The following ZNF71 variants were observed in gnomAD, a reference collection of about 807,000 sequenced individuals.
ZNF71 encodes the protein endothelial zinc finger protein induced by tumor necrosis factor alpha.
A neutral mutation model predicts 6.7 loss-of-function variants in ZNF71; 3 were observed. The observed-to-expected ratio is 0.45, with a 90% CI of 0.20 to 1.16. The LOEUF is 1.16. ZNF71 is among the 50% of genes most tolerant of loss of function. ZNF71 has a pLI of 0.25. For missense variants in ZNF71, 688 were observed against 728.6 expected (o/e 0.94, Z 0.64); for synonymous variants, 343 against 311.1 (o/e 1.10, Z -1.08).
At chr19:56,616,608 C>A (rs2044793482) in intron 3 of ZNF71, among the ~76,000 whole-genome samples, 1 of 152,128 alleles carries the variant, frequency 6.6e-6, no homozygotes, top group African/African-American at 2.4e-5. Context: ...ATGTTTTTTT[C>A]CTGTGTTGGG....
chr19:56,595,660 C>G (rs2147999643), intron 1 of ZNF71, among the ~76,000 whole-genome samples: 1 of 152,030 alleles, frequency 6.6e-6, no homozygotes, highest in Admixed American at 6.5e-5. Context: ...AACACGAGGG[C>G]CATCCTGGGG....
rs112086153 is a variant in ZNF71, at chr19:56,597,202, T to A, written c.-53+1774T>A. On this transcript the variant is annotated intron_variant, in intron 1 of 3. Transcript: ENST00000599599. ...TAAAGGTTTCATGGGCCCCATGCTC[T>A]GTGCCTACTGGGTAAGTGGGCTCTG... Among the ~76,000 whole-genome samples, 308 of 152,354 alleles carry A rather than the reference T, an allele frequency of 2.0e-3. 3 individuals carry two copies. The highest frequency in any genetic ancestry group is 0.01 in the Middle Eastern group (3 of 294).
intron 3 of ZNF71, 69 bp from the exon 4 acceptor site, chr19:56,621,198 CT>C: frequency 6.8e-7 from 1 of 1,471,312 alleles, no homozygotes; most frequent in Non-Finnish European, 9.1e-7. Context: ...CTCCTTCCTG[CT>C]GTGGAGCTTC....
At position 56,622,354 on chromosome 19, in the gene ZNF71, G is replaced by T. The variant is rs778693564; in HGVS notation, c.1247G>T (p.Cys416Phe). The T allele has an allele frequency of 2.3e-5, 37 of 1,612,840 alleles. No individual in the cohort carries two copies. Among genetic ancestry groups the T allele is most frequent in the Non-Finnish European group, 3.1e-5 (37 of 1,179,418 alleles). ...CACATCGGCGTGAAGCCGTTCGAGT[G>T]CAGCGAGTGCGGCAAGGCCTTCAGC... Reference protein sequence around the residue: ...RFHIGVKPFECSECGKAFSKN... With the variant: ...RFHIGVKPFEFSECGKAFSKN... The change falls in exon 4 of 4, where the codon TGC becomes TTC. Residue 416 changes from cysteine (C) to phenylalanine (F), a missense_variant. Physicochemically the swap from Cys to Phe is radical, Grantham distance 205. Coordinates refer to ENST00000599599, the MANE Select transcript of ZNF71 (RefSeq NM_001370215.1).
At chr19:56,604,496 G>A (rs1357681902) in intron 2 of ZNF71, among the ~76,000 whole-genome samples, 1 of 152,176 alleles carries the variant, frequency 6.6e-6, no homozygotes, top group Non-Finnish European at 1.5e-5. Context: ...TCCATCACAC[G>A]AGGCACTGTG....
rs2044848751 is a variant in ZNF71, at chr19:56,621,557, A to C, written c.450A>C (p.Pro150=). ...AFANQGCVLV[P]PRLDDPTEKG... is the part of the protein sequence containing the mutation. ...CCAACCAAGGCTGTGTCCTGGTCCC[A>C]CCACGGCTGGACGACCCCACAGAAA... The change falls in exon 4 of 4, where the codon CCA becomes CCC. Residue 150 remains proline (P), a synonymous_variant. Coordinates refer to ENST00000599599, the MANE Select transcript of ZNF71 (RefSeq NM_001370215.1). 7 of 1,614,208 alleles carry C rather than the reference A, an allele frequency of 4.3e-6. No homozygotes were observed. The African/African-American group carries it at 5.3e-5, about 12-fold the overall frequency.
chr19:56,595,853 T>TGTG (rs142255107), intron 1 of ZNF71, among the ~76,000 whole-genome samples: 32 of 137,592 alleles, frequency 2.3e-4, no homozygotes, highest in South Asian at 5.0e-4. Flanking sequence ...GTGTGTGTGT[T>TGTG]TGTGTGTGTG....
intron 3 of ZNF71, among the ~76,000 whole-genome samples, chr19:56,617,112 G>GGTTT (rs1555776018): frequency 2.8e-5 from 4 of 140,646 alleles, no homozygotes; most frequent in African/African-American, 1.1e-4. Context: ...ATTTTCTTTT[G>GGTTT]TTTTTTTTTG....
At chr19:56,607,795 T>C (rs1338631337) in intron 2 of ZNF71, among the ~76,000 whole-genome samples, 1 of 152,242 alleles carries the variant, frequency 6.6e-6, no homozygotes, top group Non-Finnish European at 1.5e-5. Flanking sequence ...TTATTTACTA[T>C]TTTACACAGT....
chr19:56,613,906 T>C lies in ZNF71; in HGVS notation c.128T>C (p.Met43Thr). 1.8e-6 allele frequency: 2 copies of C among 1,084,938 alleles called. No individual in the cohort carries two copies. The highest frequency in any genetic ancestry group is 2.3e-6 in the Non-Finnish European group (2 of 876,510). 67.2% of individuals were successfully genotyped at this position (1,084,938 alleles called of 1,614,324 possible). Residue 43 changes from methionine (M) to threonine (T), a missense_variant, in exon 3 of 4, where the codon ATG becomes ACG. Physicochemically the swap from Met to Thr is moderately conservative, Grantham distance 81 (BLOSUM62 -1). Coordinates refer to ENST00000599599, the MANE Select transcript of ZNF71 (RefSeq NM_001370215.1). This position sits in a 1 kb window ranked among gnomAD's most constrained non-coding sequence, Gnocchi z 4.6. ...PAQKDLYRDV[M>T]LENYRNLVSL... ...CAGAAGGACCTGTACAGGGATGTCA[T>C]GCTGGAGAACTACAGGAACCTGGTC...
Position 56,623,927 on chromosome 19 carries a change from G to C in ZNF71, c.*1170G>C, listed in dbSNP as rs1445352367. The C allele has an allele frequency of 6.0e-6, 1 of 167,010 alleles. No homozygotes were observed. The highest frequency in any genetic ancestry group is 6.5e-5 in the Admixed American group (1 of 15,268). The allele number at this position is 167,010 out of a possible 1,614,324, so 10.3% of individuals were successfully genotyped here. On this transcript the variant is annotated 3_prime_UTR_variant, in exon 4 of 4. Transcript: ENST00000599599. ...TCCTCCCTCTTCATACTGTTACATT[G>C]GGGATCAAGTTTCCAATATGTGAAT...
At chr19:56,604,763 G>T (rs533240478) in intron 2 of ZNF71, among the ~76,000 whole-genome samples, 24 of 152,270 alleles carry the variant, frequency 1.6e-4, no homozygotes, top group Middle Eastern at 6.8e-3. Context: ...GCCCCAGAAG[G>T]GCACCCTAGG....
At position 56,622,883 on chromosome 19, in the gene ZNF71, A is replaced by G; in HGVS notation, c.*126A>G. Reference sequence around the variant, plus strand: ...GACTCGGGGTCAGGGGAGCTCAGGAATGTGGGGTTGTGGAGGGGCTGGCTG... The same window carrying G: ...GACTCGGGGTCAGGGGAGCTCAGGAGTGTGGGGTTGTGGAGGGGCTGGCTG... On this transcript the variant is annotated 3_prime_UTR_variant, in exon 4 of 4. Transcript: ENST00000599599. 1.5e-6 allele frequency: 2 copies of G among 1,303,108 alleles called. No individual in the cohort carries two copies. The highest frequency in any genetic ancestry group is 2.8e-5 in the Admixed American group (1 of 35,678). 80.7% of individuals were successfully genotyped at this position (1,303,108 alleles called of 1,614,324 possible). A position where few individuals can be genotyped will look rare whatever the true frequency, so the allele number is the denominator to read the frequency against.
Position 56,604,217 on chromosome 19 carries a change from G to T in ZNF71, c.33+2626G>T, listed in dbSNP as rs114434972. The stretch of plus-strand genomic sequence containing the variant: ...AATGGATCCGTTTATGGCCTTGATG[G>T]TGGTGATGGTTCCACGGGTGTATAT... On this transcript the variant is annotated intron_variant, in intron 2 of 3. Transcript: ENST00000599599. Among the ~76,000 whole-genome samples the T allele has an allele frequency of 7.6e-3, 1,154 of 152,298 alleles. 20 individuals carry two copies. The highest frequency in any genetic ancestry group is 0.025 in the African/African-American group (1,052 of 41,552).
In ZNF71 at chr19:56,621,370, A is replaced by C; in HGVS notation, c.263A>C (p.Asn88Thr). Residue 88 changes from asparagine to threonine, a missense_variant, in exon 4 of 4, where the codon AAT becomes ACT. Transcript: ENST00000599599. ...GAGGCCACGGGGGGACCCACGAGGA[A>C]TGGTGCCAGGGGTCCTGGCTCAGAA... Reference protein sequence around the residue: ...VGEATGGPTRNGARGPGSEGV... With the variant: ...VGEATGGPTRTGARGPGSEGV... 1 of 1,591,418 alleles carries C rather than the reference A, an allele frequency of 6.3e-7. No homozygotes were observed. The highest frequency in any genetic ancestry group is 2.2e-5 in the East Asian group (1 of 44,566).
At position 56,621,997 on chromosome 19, in the gene ZNF71, C is replaced by G. The variant is rs781427340; in HGVS notation, c.890C>G (p.Thr297Arg). Residue 297 changes from threonine to arginine, a missense_variant, in exon 4 of 4, where the codon ACG becomes AGG. Transcript: ENST00000599599. ...SSLTQHERIH[T>R]GEKPYACGDC... ...CTCACCCAGCACGAGCGGATCCACA[C>G]GGGGGAGAAGCCCTACGCGTGCGGG... 106 of 1,606,788 alleles carry G rather than the reference C, an allele frequency of 6.6e-5. No individual in the cohort carries two copies. In the Admixed American group the frequency reaches 1.7e-3, roughly 25 times the overall value.
At chr19:56,611,653 A>G (rs2044752981) in intron 2 of ZNF71, among the ~76,000 whole-genome samples, 1 of 152,276 alleles carries the variant, frequency 6.6e-6, no homozygotes, top group East Asian at 1.9e-4. Flanking sequence ...TTAGCACCTG[A>G]CTCGTAGGTC....
Position 56,601,172 on chromosome 19 carries a change from GC to G in ZNF71, c.-52-334del, listed in dbSNP as rs139155112. Among the ~76,000 whole-genome samples, 664 of 152,280 alleles carry G rather than the reference GC, an allele frequency of 4.4e-3. 7 individuals carry two copies. Among genetic ancestry groups the G allele is most frequent in the African/African-American group, 0.014 (595 of 41,548 alleles). ...TGAGGCATTGTAGCCTGGAGGCTAA[GC>G]TGTGGACCCAGACATACTCTGCCTG... On this transcript the variant is annotated intron_variant, in intron 1 of 3. Coordinates refer to ENST00000599599, the MANE Select transcript of ZNF71 (RefSeq NM_001370215.1).
chr19:56,596,689 C>A (rs1327475552), intron 1 of ZNF71, among the ~76,000 whole-genome samples: 1 of 152,158 alleles, frequency 6.6e-6, no homozygotes, highest in Non-Finnish European at 1.5e-5. Flanking sequence ...GAGGTAGAGA[C>A]CATCATCATC....
Sources: allele counts gnomAD v4.1 joint callset (sites outside exome capture counted in the v4.1 genomes callset), GRCh38; gene constraint gnomAD v4.1.1; non-coding constraint Gnocchi (gnomAD v3.1); transcripts MANE v1.5; gene names NCBI Gene and HGNC (gene_info 2026-07-23, HGNC 2026-07-21).